Variants in CFLAR observed in about 807,000 individuals in gnomAD.
The protein encoded by CFLAR is CASP8 and FADD-like apoptosis regulator.
CFLAR carries 14 observed loss-of-function variants against 51.1 expected under a neutral mutation model. The ratio of observed to expected loss-of-function variants is 0.27; its 90% CI spans 0.18 to 0.43. CFLAR has a LOEUF of 0.43. CFLAR is among the 20% of genes least tolerant of loss of function. The pLI, the probability that CFLAR is intolerant of heterozygous loss-of-function variation, is 1.00. For synonymous variants in CFLAR, 210 were observed against 211.6 expected, an observed-to-expected ratio of 0.99 and a Z score of 0.06; for missense variants, 390 against 566.5, an observed-to-expected ratio of 0.69 and a Z score of 3.16.
intron 9 of CFLAR, chr2:201,163,619 C>A: frequency 7.4e-7 from 1 of 1,359,434 alleles, no homozygotes; most frequent in Non-Finnish European, 9.5e-7. Context: ...GGTATGTTCC[C>A]AGAGTGAAAC....
intron 8 of CFLAR, among the ~76,000 whole-genome samples, chr2:201,153,903 CTTTTTTTTTTT>C (rs747813572): frequency 1.3e-4 from 13 of 103,050 alleles, no homozygotes; most frequent in Non-Finnish European, 1.9e-4. Context: ...TCTTTTCTTT[CTTTTTTTTTTT>C]TTTTTTTTTT....
At position 201,160,530 on chromosome 2, in the gene CFLAR, T is replaced by C; in HGVS notation, c.892T>C (p.Cys298Arg). Reference sequence around the variant, plus strand: ...ATCCCAGATTCTTGGCCAATTTGCCTGTATGCCCGAGCACCGAGACTACGA... The same window carrying C: ...ATCCCAGATTCTTGGCCAATTTGCCCGTATGCCCGAGCACCGAGACTACGA... ...GISQILGQFA[C>R]MPEHRDYDSF... is the part of the protein sequence containing the mutation. Residue 298 changes from cysteine to arginine, a missense_variant, in exon 9 of 10, where the codon TGT (cysteine) becomes CGT (arginine). Cys to Arg is a radical substitution (Grantham distance 180). This residue lies in a region of CFLAR where 287 missense variants were observed against 363.6 expected (regional missense o/e 0.79). Transcript: ENST00000309955. 5.0e-6 allele frequency: 8 copies of C among 1,614,006 alleles called. No individual in the cohort carries two copies. Among genetic ancestry groups the C allele is most frequent in the Non-Finnish European group, 6.8e-6 (8 of 1,180,008 alleles).
intron 6 of CFLAR, chr2:201,148,165 C>T (rs545649328): frequency 1.3e-5 from 2 of 152,056 alleles, no homozygotes; most frequent in East Asian, 1.9e-4. Context: ...ATTTTTATGC[C>T]TCCAGATTCT....
intron 1 of CFLAR, chr2:201,129,345 G>A (rs575368083): frequency 9.8e-5 from 16 of 163,112 alleles, no homozygotes; most frequent in African/African-American, 3.1e-4. Flanking sequence ...GCTGTCTGTC[G>A]TTGGGCTTTT....
At chr2:201,135,565 T>C (rs2049988871) in intron 3 of CFLAR, among the ~76,000 whole-genome samples, 1 of 152,216 alleles carries the variant, frequency 6.6e-6, no homozygotes, top group African/African-American at 2.4e-5. Flanking sequence ...AGGGCTCATC[T>C]TGTCACATTT....
chr2:201,162,606 G>T, intron 9 of CFLAR: 1 of 203,320 alleles, frequency 4.9e-6, no homozygotes, highest in Non-Finnish European at 1.1e-5. Context: ...TATTTTTCTT[G>T]ATCTTGACAG....
At chr2:201,160,366 A>G in intron 8 of CFLAR, 66 bp from the exon 9 acceptor site, 1 of 1,514,294 alleles carries the variant, frequency 6.6e-7, no homozygotes, top group Non-Finnish European at 9.0e-7. Flanking sequence ...TAGGATTCCT[A>G]CCCAGTCCTC....
chr2:201,142,898 C>A (rs553263465), intron 5 of CFLAR: 1 of 152,296 alleles, frequency 6.6e-6, no homozygotes, highest in African/African-American at 2.4e-5. Context: ...TGCACTTGGC[C>A]TAGCATATAT....
At chr2:201,153,937 G>A (rs1320437799) in intron 8 of CFLAR, among the ~76,000 whole-genome samples, 2 of 99,890 alleles carry the variant, frequency 2.0e-5, no homozygotes, top group African/African-American at 4.1e-5. Context: ...ACAGAGTCTT[G>A]CTCTGTCGCC....
Position 201,124,673 on chromosome 2 carries a change from A to C in CFLAR, c.-137-5056A>C, listed in dbSNP as rs547843734. Among the ~76,000 whole-genome samples, 34 of 152,224 alleles carry C rather than the reference A, an allele frequency of 2.2e-4. No individual in the cohort carries two copies. The highest frequency in any genetic ancestry group is 3.7e-4 in the Non-Finnish European group (25 of 68,008). ...ACTTTAGAAATTTCACTTAGATGGA[A>C]GGTAGATTTGGAGAGGGTGAGGTCT... On this transcript the variant is annotated intron_variant, in intron 1 of 9. Transcript: ENST00000309955. The surrounding 1 kb of genome is among the most constrained non-coding windows in gnomAD (Gnocchi z 4.7).
intron 8 of CFLAR, among the ~76,000 whole-genome samples, chr2:201,157,388 G>A (rs185070958): frequency 7.0e-4 from 106 of 152,150 alleles, no homozygotes; most frequent in African/African-American, 2.2e-3. Context: ...CAATCCACCC[G>A]CCTTGGCCTC....
chr2:201,169,996 A>C lies in CFLAR; in HGVS notation c.*6023A>C, dbSNP rs1160004989. On this transcript the variant is annotated 3_prime_UTR_variant, in exon 10 of 10. Coordinates refer to ENST00000309955, the MANE Select transcript of CFLAR (RefSeq NM_003879.7). The stretch of plus-strand genomic sequence containing the variant: ...TGTGGAGAAGTAGGAACACTTTTAC[A>C]TTGTTGGTGGGAATGTAAATTAGTT... 1.3e-5 allele frequency: 2 copies of C among 152,254 alleles called. No homozygotes were observed. The highest frequency in any genetic ancestry group is 4.8e-5 in the African/African-American group (2 of 41,462). The allele number at this position is 152,254 out of a possible 1,614,324, so 9.4% of individuals were successfully genotyped here. A position where few individuals can be genotyped will look rare whatever the true frequency, so the allele number is the denominator to read the frequency against.
chr2:201,149,155 G>C, intron 7 of CFLAR, 103 bp downstream of exon 7: 1 of 739,194 alleles, frequency 1.4e-6, no homozygotes, highest in Non-Finnish European at 2.4e-6. Flanking sequence ...GAGACAGTGG[G>C]ACTCTGAGAG....
In CFLAR at chr2:201,170,189, G is replaced by C. The variant is rs1294103787; in HGVS notation, c.*6216G>C. On this transcript the variant is annotated 3_prime_UTR_variant, in exon 10 of 10. Transcript: ENST00000309955. ...TTGCAGCACTCTTCACAATAGCAAA[G>C]ACACAATAGCAAATGCCCATCAAAG... 2.0e-5 allele frequency: 3 copies of C among 152,120 alleles called. No individual in the cohort carries two copies. The highest frequency in any genetic ancestry group is 7.2e-5 in the African/African-American group (3 of 41,426). 9.4% of individuals were successfully genotyped at this position (152,120 alleles called of 1,614,324 possible). A position where few individuals can be genotyped will look rare whatever the true frequency, so the allele number is the denominator to read the frequency against.
intron 8 of CFLAR, among the ~76,000 whole-genome samples, chr2:201,152,500 G>GC (rs1216563641): frequency 6.6e-6 from 1 of 152,130 alleles, no homozygotes; most frequent in Non-Finnish European, 1.5e-5. Flanking sequence ...ATGCCAACTA[G>GC]CATTATTTCC....
chr2:201,140,309 A>T lies in CFLAR; in HGVS notation c.524-48A>T, dbSNP rs193267395. On this transcript the variant is annotated intron_variant, in intron 4 of 9. Transcript: ENST00000309955. Reference sequence around the variant, plus strand: ...TGAACCACTATTGAAGATTTATTTGATAATAATTTGTAAGTTTTAACTCAG... The same window carrying T: ...TGAACCACTATTGAAGATTTATTTGTTAATAATTTGTAAGTTTTAACTCAG... 5.0e-5 allele frequency: 80 copies of T among 1,584,396 alleles called. No individual in the cohort carries two copies. In the East Asian group the frequency reaches 1.8e-3, roughly 35 times the overall value.
At chr2:201,153,903 C>CTTTTTTTTTTTTTTTTTTTT (rs747813572) in intron 8 of CFLAR, among the ~76,000 whole-genome samples, 1 of 103,050 alleles carries the variant, frequency 9.7e-6, no homozygotes, top group Non-Finnish European at 1.9e-5. Context: ...TCTTTTCTTT[C>CTTTTTTTTTTTTTTTTTTTT]TTTTTTTTTT....
intron 8 of CFLAR, among the ~76,000 whole-genome samples, chr2:201,160,191 G>C (rs1003558813): frequency 3.9e-5 from 6 of 152,158 alleles, no homozygotes; most frequent in Non-Finnish European, 8.8e-5. Context: ...CCTGTGGCTG[G>C]CATCAGGCAG....
Position 201,169,848 on chromosome 2 carries a change from A to T in CFLAR, c.*5875A>T, listed in dbSNP as rs1226909536. 6.6e-6 allele frequency: 1 copy of T among 152,206 alleles called. No individual in the cohort carries two copies. The highest frequency in any genetic ancestry group is 1.5e-5 in the Non-Finnish European group (1 of 68,024). 9.4% of individuals were successfully genotyped at this position (152,206 alleles called of 1,614,324 possible). A position where few individuals can be genotyped will look rare whatever the true frequency, so the allele number is the denominator to read the frequency against. On this transcript the variant is annotated 3_prime_UTR_variant, in exon 10 of 10. Coordinates refer to ENST00000309955, the MANE Select transcript of CFLAR (RefSeq NM_003879.7). ...CATTTATGTGGCCAACAAACATATA[A>T]AAAAAAGCTCAACCTTACTGATCAT...
Sources: allele counts gnomAD v4.1 joint callset (sites outside exome capture counted in the v4.1 genomes callset), GRCh38; gene constraint gnomAD v4.1.1; regional missense constraint gnomAD v4.1.1; non-coding constraint Gnocchi (gnomAD v3.1); transcripts MANE v1.5; gene names NCBI Gene and HGNC (gene_info 2026-07-23, HGNC 2026-07-21).